ATXN7L1: variants seen among roughly 807,000 people sequenced by gnomAD.
ATXN7L1 encodes the protein ataxin-7-like protein 1.
A neutral mutation model predicts 70.8 loss-of-function variants in ATXN7L1; 15 were observed. That is an observed-to-expected ratio of 0.21 (90% CI 0.14 to 0.33). The LOEUF is 0.33. Ranked by LOEUF, ATXN7L1 falls within the 10% of genes least tolerant of loss-of-function variation. The pLI is 1.00. For synonymous variants in ATXN7L1, 440 were observed against 445.1 expected (o/e 0.99, Z 0.14); for missense variants, 975 against 1,097.1 (o/e 0.89, Z 1.57).
chr7:105,849,868 C>A (rs1363224894), intron 2 of ATXN7L1, among the ~76,000 whole-genome samples: 1 of 152,226 alleles, frequency 6.6e-6, no homozygotes, highest in Admixed American at 6.5e-5. Flanking sequence ...CACATACCTG[C>A]ACCTTCTGAG....
chr7:105,638,390 G>A lies in ATXN7L1; in HGVS notation c.1165C>T (p.Pro389Ser), dbSNP rs1478705752. 1.3e-6 allele frequency: 2 copies of A among 1,552,068 alleles called. No homozygotes were observed. The highest frequency in any genetic ancestry group is 4.9e-5 in the East Asian group (2 of 40,920). The stretch of plus-strand genomic sequence containing the variant: ...GAGTTGGGTGGTCTGGATTTTGCAG[G>A]GGATGCAACTTTTGGTTCTGGCCCA... ...SSGPEPKVAS[P>S]AKSRPPNSVL... Residue 389 changes from proline to serine, a missense_variant, in exon 7 of 12, where the codon CCT (proline) becomes TCT (serine). Pro to Ser is a moderately conservative substitution (Grantham distance 74). Coordinates refer to ENST00000419735, the MANE Select transcript of ATXN7L1 (RefSeq NM_020725.2).
chr7:105,872,023 C>T (rs1483990767), intron 2 of ATXN7L1, among the ~76,000 whole-genome samples: 2 of 150,512 alleles, frequency 1.3e-5, no homozygotes, highest in Non-Finnish European at 1.5e-5. Context: ...GCTGGAGTCT[C>T]GCTCTTTCGC....
At chr7:105,767,320 C>A (rs138361512) in intron 3 of ATXN7L1, among the ~76,000 whole-genome samples, 1 of 152,090 alleles carries the variant, frequency 6.6e-6, no homozygotes, top group Non-Finnish European at 1.5e-5. Context: ...GAGCAAAACC[C>A]GGCCCTCCAT....
intron 3 of ATXN7L1, among the ~76,000 whole-genome samples, chr7:105,775,237 C>A (rs1324171966): frequency 2.0e-5 from 3 of 152,188 alleles, no homozygotes; most frequent in African/African-American, 4.8e-5. Flanking sequence ...CAACGGTATT[C>A]CCCGATTCTA....
At chr7:105,870,635 TA>T (rs934957721) in intron 2 of ATXN7L1, among the ~76,000 whole-genome samples, 123 of 151,948 alleles carry the variant, frequency 8.1e-4, no homozygotes, top group African/African-American at 2.8e-3. Context: ...TGGTATTCTT[TA>T]AAAAAAAATT....
chr7:105,729,891 C>T (rs954396302), intron 3 of ATXN7L1, among the ~76,000 whole-genome samples: 5 of 152,124 alleles, frequency 3.3e-5, no homozygotes, highest in Non-Finnish European at 7.3e-5. Context: ...GCGCCTGCCA[C>T]CACGCCCAGC....
chr7:105,683,637 T>C (rs933913499), intron 3 of ATXN7L1, among the ~76,000 whole-genome samples: 1 of 152,082 alleles, frequency 6.6e-6, no homozygotes, highest in African/African-American at 2.4e-5. Context: ...ATTGTACCAC[T>C]GCACTCCAGC....
chr7:105,853,595 C>CA (rs1170884634), intron 2 of ATXN7L1, among the ~76,000 whole-genome samples: 4 of 148,472 alleles, frequency 2.7e-5, no homozygotes, highest in African/African-American at 5.0e-5. Context: ...ACAAAAAAAA[C>CA]AAAAAAAGCC....
chr7:105,740,760 G>A (rs1411548703), intron 3 of ATXN7L1, among the ~76,000 whole-genome samples: 3 of 135,038 alleles, frequency 2.2e-5, no homozygotes, highest in Non-Finnish European at 3.1e-5. Flanking sequence ...GTCAAAGGTG[G>A]CTCCATTCAT....
chr7:105,793,556 CAT>C (rs977178310), intron 2 of ATXN7L1, among the ~76,000 whole-genome samples: 34 of 152,152 alleles, frequency 2.2e-4, no homozygotes, highest in African/African-American at 8.0e-4. Context: ...TGTATGTGCA[CAT>C]GTGTACACAT....
intron 3 of ATXN7L1, among the ~76,000 whole-genome samples, chr7:105,750,248 A>G (rs1799045620): frequency 6.6e-6 from 1 of 151,306 alleles, no homozygotes. Flanking sequence ...GCAGTTAAAT[A>G]TGATGGATAA....
intron 3 of ATXN7L1, among the ~76,000 whole-genome samples, chr7:105,750,775 CCT>C (rs1799116462): frequency 6.6e-6 from 1 of 152,124 alleles, no homozygotes; most frequent in East Asian, 1.9e-4. Flanking sequence ...TGGACCCCAG[CCT>C]GGGCGACAGA....
At chr7:105,830,716 T>C (rs1173839738) in intron 2 of ATXN7L1, among the ~76,000 whole-genome samples, 1 of 152,204 alleles carries the variant, frequency 6.6e-6, no homozygotes, top group Non-Finnish European at 1.5e-5. Flanking sequence ...AGAACCAACA[T>C]TCCTGCTTCC....
At chr7:105,822,763 C>G (rs1301159627) in intron 2 of ATXN7L1, among the ~76,000 whole-genome samples, 1 of 152,136 alleles carries the variant, frequency 6.6e-6, no homozygotes, top group Non-Finnish European at 1.5e-5. Context: ...ATGGTATGAC[C>G]AAGTCCTCAT....
At chr7:105,792,805 T>C (rs1805445750) in intron 2 of ATXN7L1, among the ~76,000 whole-genome samples, 1 of 152,210 alleles carries the variant, frequency 6.6e-6, no homozygotes, top group African/African-American at 2.4e-5. Flanking sequence ...AAATATTTAC[T>C]GGTACACCAC....
chr7:105,610,545 G>C lies in ATXN7L1; in HGVS notation c.2531C>G (p.Pro844Arg). 1 of 1,551,026 alleles carries C rather than the reference G, an allele frequency of 6.4e-7. No homozygotes were observed. Among genetic ancestry groups the C allele is most frequent in the South Asian group, 1.2e-5 (1 of 83,992 alleles). Residue 844 changes from proline (P) to arginine (R), a missense_variant, in exon 11 of 12, where the codon CCA becomes CGA. By Grantham distance (103) the Pro-to-Arg change is moderately radical. This residue lies in a region of ATXN7L1 where 635 missense variants were observed against 699.4 expected (regional missense o/e 0.91). Coordinates refer to ENST00000419735, the MANE Select transcript of ATXN7L1 (RefSeq NM_020725.2). ...GTAACTTACCTGTCGGCTGTGTCCT[G>C]GGCTGGATATACTTGAAGGACTGGA... ...SQSSPSSISS[P>R]GHSRQNTNRT...
chr7:105,866,334 T>A (rs965989378), intron 2 of ATXN7L1, among the ~76,000 whole-genome samples: 1 of 152,176 alleles, frequency 6.6e-6, no homozygotes, highest in African/African-American at 2.4e-5. Flanking sequence ...GGAGAGTATT[T>A]ATTTGGTTTC....
intron 4 of ATXN7L1, among the ~76,000 whole-genome samples, chr7:105,644,250 C>A (rs113181468): frequency 1.3e-4 from 20 of 152,280 alleles, no homozygotes; most frequent in African/African-American, 4.6e-4. Context: ...CAGATTATTT[C>A]TTTGATCAAC....
Position 105,680,617 on chromosome 7 carries a change from T to C in ATXN7L1, c.356-15329A>G, listed in dbSNP as rs1805411102. Among the ~76,000 whole-genome samples, 3 of 152,290 alleles carry C rather than the reference T, an allele frequency of 2.0e-5. No individual in the cohort carries two copies. In the South Asian group the frequency reaches 6.2e-4, roughly 32 times the overall value. ...GTCATTTGCAGCTTTGGCTGGAGAT[T>C]GTCTGTTCCCAACAGTTAGGCTGTG... On this transcript the variant is annotated intron_variant, in intron 3 of 11. Coordinates refer to ENST00000419735, the MANE Select transcript of ATXN7L1 (RefSeq NM_020725.2).
Sources: allele counts gnomAD v4.1 joint callset (sites outside exome capture counted in the v4.1 genomes callset), GRCh38; gene constraint gnomAD v4.1.1; regional missense constraint gnomAD v4.1.1; transcripts MANE v1.5; gene names NCBI Gene and HGNC (gene_info 2026-07-23, HGNC 2026-07-21).